Variants in DCC observed in about 807,000 individuals in gnomAD.
DCC encodes the protein netrin receptor DCC.
DCC carries 58 observed loss-of-function variants against 172.5 expected under a neutral mutation model. The observed-to-expected ratio is 0.34, with a 90% CI of 0.27 to 0.42. The LOEUF is 0.42. Among genes scored for constraint, DCC ranks in the 10% least tolerant of loss-of-function variants. DCC has a pLI of 1.00. For missense variants in DCC, 1,740 were observed against 1,791.0 expected (o/e 0.97, Z 0.51); for synonymous variants, 709 against 644.5 (o/e 1.10, Z -1.52).
intron 1 of DCC, among the ~76,000 whole-genome samples, chr18:52,674,043 C>A (rs1274569575): frequency 6.6e-6 from 1 of 152,088 alleles, no homozygotes; most frequent in Non-Finnish European, 1.5e-5. Context: ...AGTGTGCAAG[C>A]CTTGCTTGTT....
At chr18:52,467,062 A>G (rs79649279) in intron 1 of DCC, among the ~76,000 whole-genome samples, 3,785 of 151,450 alleles carry the variant, frequency 0.025, 147 homozygotes, top group East Asian at 0.1. Flanking sequence ...AAATATATAT[A>G]TATATTTTAA....
intron 12 of DCC, among the ~76,000 whole-genome samples, chr18:53,240,377 C>T (rs1042768908): frequency 3.9e-5 from 6 of 152,112 alleles, no homozygotes; most frequent in Non-Finnish European, 8.8e-5. Flanking sequence ...GTGGGATCAA[C>T]AATCATCTCT....
chr18:52,507,979 T>C (rs1275224252), intron 1 of DCC, among the ~76,000 whole-genome samples: 1 of 152,022 alleles, frequency 6.6e-6, no homozygotes, highest in Non-Finnish European at 1.5e-5. Context: ...CAGGCACCTG[T>C]AGTCCAAGCT....
intron 2 of DCC, among the ~76,000 whole-genome samples, chr18:52,789,647 G>A (rs765394023): frequency 2.6e-5 from 4 of 152,158 alleles, no homozygotes; most frequent in Non-Finnish European, 4.4e-5. Flanking sequence ...ACTTAACCAT[G>A]AGTGTACAAG....
chr18:53,441,406 C>T (rs1302595446), intron 22 of DCC, among the ~76,000 whole-genome samples: 1 of 152,120 alleles, frequency 6.6e-6, no homozygotes, highest in Non-Finnish European at 1.5e-5. Context: ...CATGTGCCAA[C>T]TCCCAAATGT....
intron 1 of DCC, among the ~76,000 whole-genome samples, chr18:52,742,110 A>C (rs2036830774): frequency 6.6e-6 from 1 of 152,160 alleles, no homozygotes; most frequent in Non-Finnish European, 1.5e-5. Flanking sequence ...GAGGCCTGAG[A>C]ATGGGACCTG....
At chr18:53,437,996 A>T (rs1196619032) in intron 22 of DCC, among the ~76,000 whole-genome samples, 1 of 152,188 alleles carries the variant, frequency 6.6e-6, no homozygotes, top group Non-Finnish European at 1.5e-5. Context: ...AGGGTAAAAA[A>T]AGGAAGTTGC....
At chr18:53,079,491 T>G (rs1219972120) in intron 7 of DCC, among the ~76,000 whole-genome samples, 1 of 152,178 alleles carries the variant, frequency 6.6e-6, no homozygotes, top group Non-Finnish European at 1.5e-5. Context: ...ATACTAATGA[T>G]GTAGTTACTT....
At chr18:52,587,858 A>G (rs2033711505) in intron 1 of DCC, among the ~76,000 whole-genome samples, 1 of 152,164 alleles carries the variant, frequency 6.6e-6, no homozygotes, top group Non-Finnish European at 1.5e-5. Context: ...GGCCATTGGT[A>G]CAGGCTGGGG....
intron 1 of DCC, among the ~76,000 whole-genome samples, chr18:52,524,791 G>A (rs560580068): frequency 6.6e-5 from 10 of 152,154 alleles, no homozygotes; most frequent in African/African-American, 2.4e-4. Flanking sequence ...AAAGAAAAGA[G>A]CATATTTTTC....
rs532412044 is a variant in DCC at position 53,200,397 on chromosome 18, T to C, written c.1574-4819T>C. 3.3e-5 allele frequency among the ~76,000 whole-genome samples: 5 copies of C among 152,288 alleles called. No homozygotes were observed. In the East Asian group the frequency reaches 7.7e-4, roughly 23 times the overall value. ...TACATAAAGTGCCTTAGGCCTGTGA[T>C]TTATGGTAACATTTGTAACTGTATA... On this transcript the variant is annotated intron_variant, in intron 9 of 28. Transcript: ENST00000442544.
At chr18:53,385,021 C>CTTTTTTTTT (rs35779527) in intron 15 of DCC, among the ~76,000 whole-genome samples, 117 of 130,268 alleles carry the variant, frequency 9.0e-4, no homozygotes, top group Non-Finnish European at 1.3e-3. Flanking sequence ...TAATTTTTTT[C>CTTTTTTTTT]TTTTTTTTTT....
intron 4 of DCC, among the ~76,000 whole-genome samples, 176 bp from the exon 5 acceptor site, chr18:52,925,058 G>C (rs2145488105): frequency 6.6e-6 from 1 of 151,982 alleles, no homozygotes; most frequent in Non-Finnish European, 1.5e-5. Flanking sequence ...AATGGGAGTA[G>C]TTTACCTTGA....
chr18:52,428,328 T>A (rs188046821), intron 1 of DCC, among the ~76,000 whole-genome samples: 34 of 152,246 alleles, frequency 2.2e-4, no homozygotes, highest in Admixed American at 2.2e-3. Context: ...TCAGAGAGTG[T>A]GTCTACTCCG....
At chr18:52,919,316 T>C (rs2040084651) in intron 3 of DCC, among the ~76,000 whole-genome samples, 1 of 152,192 alleles carries the variant, frequency 6.6e-6, no homozygotes, top group Non-Finnish European at 1.5e-5. Context: ...TTAGAGAATA[T>C]TAAAAAATTT....
At chr18:52,935,748 T>C (rs1172402225) in intron 5 of DCC, among the ~76,000 whole-genome samples, 2 of 152,132 alleles carry the variant, frequency 1.3e-5, no homozygotes, top group Non-Finnish European at 2.9e-5. Context: ...TGTTGAGTTT[T>C]AGGTTTAGGC....
chr18:52,487,714 G>A (rs749090485), intron 1 of DCC, among the ~76,000 whole-genome samples: 2 of 149,468 alleles, frequency 1.3e-5, no homozygotes, highest in Non-Finnish European at 3.0e-5. Flanking sequence ...GGGAGGCTGA[G>A]GCATAAGGAT....
intron 5 of DCC, among the ~76,000 whole-genome samples, chr18:53,050,781 G>A (rs1234451642): frequency 6.6e-6 from 1 of 151,990 alleles, no homozygotes; most frequent in African/African-American, 2.4e-5. Context: ...CCTTCTACCC[G>A]ATTGCTCCAG....
chr18:52,502,696 G>A (rs1234013843), intron 1 of DCC, among the ~76,000 whole-genome samples: 2 of 152,018 alleles, frequency 1.3e-5, no homozygotes, highest in African/African-American at 4.8e-5. Context: ...TTACTTTATT[G>A]CCCTGCCACA....
Sources: gnomAD v4.1 joint callset for allele counts (sites outside exome capture counted in the v4.1 genomes callset) on GRCh38, gnomAD v4.1.1 for gene constraint, MANE v1.5 for transcripts, NCBI Gene and HGNC (gene_info 2026-07-23, HGNC 2026-07-21) for gene names.